The following MTMR8 variants were observed in gnomAD, a reference collection of about 807,000 sequenced individuals.
MTMR8 encodes myotubularin related protein 8, also known as phosphatidylinositol-3,5-bisphosphate 3-phosphatase MTMR8.
MTMR8 carries 65 observed loss-of-function variants against 39.3 expected under a neutral mutation model. That is an observed-to-expected ratio of 1.65 (90% CI 1.35 to 2.03). The LOEUF is 2.03. Among genes scored for constraint, MTMR8 ranks in the 30% most tolerant of loss-of-function variants. MTMR8 has a pLI of 0.00. For missense variants in MTMR8, 777 were observed against 538.9 expected (o/e 1.44, Z -4.37); for synonymous variants, 245 against 185.2 (o/e 1.32, Z -2.62).
intron 12 of MTMR8, among the ~76,000 whole-genome samples, chrX:64,325,525 A>T (rs928772096): frequency 8.9e-6 from 1 of 112,212 alleles, no homozygotes; most frequent in Non-Finnish European, 1.9e-5. Flanking sequence ...ACACTAATGG[A>T]ATGAAGGACA....
chrX:64,300,225 G>T lies in MTMR8; in HGVS notation c.1481+28547C>A, dbSNP rs1423319991. Among the ~76,000 whole-genome samples the T allele has an allele frequency of 9.7e-4, 106 of 109,612 alleles. 1 individual carries two copies. In the Admixed American group the frequency reaches 0.01, roughly 11 times the overall value. ...AATGTGTGGGAGTCTAAGTCTCTTT[G>T]TAGGTCACTCAGGACTTGCTTCATG... On this transcript the variant is annotated intron_variant, in intron 12 of 13. Coordinates refer to ENST00000374852, the MANE Select transcript of MTMR8 (RefSeq NM_017677.4).
At chrX:64,304,995 C>CGTAT (rs1239330030) in intron 12 of MTMR8, 1 of 103,186 alleles carries the variant, frequency 9.7e-6, no homozygotes, top group Non-Finnish European at 1.7e-5. Context: ...TACATATATA[C>CGTAT]GTATGTATGT....
intron 9 of MTMR8, 88 bp from the exon 10 acceptor site, chrX:64,336,216 G>A (rs1000029405): frequency 1.6e-6 from 1 of 607,609 alleles, no homozygotes; most frequent in Non-Finnish European, 2.6e-6. Flanking sequence ...ACACTTTGCT[G>A]AAATAGTTGA....
intron 12 of MTMR8, among the ~76,000 whole-genome samples, chrX:64,276,959 G>A (rs1484977171): frequency 8.9e-6 from 1 of 111,872 alleles, no homozygotes. Flanking sequence ...ATATATTTAG[G>A]ATAGTTAACT....
In MTMR8 at chrX:64,331,619, A is replaced by G; in HGVS notation, c.1290T>C (p.His430=). Residue 430 remains histidine (H), a synonymous_variant, in exon 11 of 14, where the codon CAT becomes CAC. Coordinates refer to ENST00000374852, the MANE Select transcript of MTMR8 (RefSeq NM_017677.4). The stretch of plus-strand genomic sequence containing the variant: ...AGTTTCCAAACTGGCAGGAGAAAAC[A>G]TGGTCATGAATCTCCAGCAGGAAGT... ...NENFLLEIHD[H]VFSCQFGNFL... 8.3e-7 allele frequency: 1 copy of G among 1,210,609 alleles called. No individual in the cohort carries two copies.
chrX:64,395,100 C>T lies in MTMR8; in HGVS notation c.24+240G>A, dbSNP rs72623459. 0.024 allele frequency among the ~76,000 whole-genome samples: 2,673 copies of T among 111,802 alleles called. 163 individuals are homozygous for T. In the East Asian group the frequency reaches 0.3, roughly 12 times the overall value. The stretch of plus-strand genomic sequence containing the variant: ...AGGCGTGCACCAGGAGCGGGGGCGG[C>T]GTCGCGTAAGGGGACAGTGGTGCAG... On this transcript the variant is annotated intron_variant, in intron 1 of 13. Coordinates refer to ENST00000374852, the MANE Select transcript of MTMR8 (RefSeq NM_017677.4).
chrX:64,349,028 CA>C (rs1301075116), intron 5 of MTMR8, among the ~76,000 whole-genome samples: 6 of 110,710 alleles, frequency 5.4e-5, no homozygotes, highest in Non-Finnish European at 1.1e-4. Context: ...AATCAGACTA[CA>C]AAAAAAATCA....
At chrX:64,358,843 GCACACACA>G (rs762422321) in intron 2 of MTMR8, among the ~76,000 whole-genome samples, 44 of 91,169 alleles carry the variant, frequency 4.8e-4, no homozygotes, top group African/African-American at 1.8e-3. Context: ...GCCCGTGCAT[GCACACACA>G]CACACACACA....
intron 12 of MTMR8, among the ~76,000 whole-genome samples, chrX:64,295,636 A>G (rs181863738): frequency 1.1e-4 from 12 of 111,824 alleles, no homozygotes; most frequent in African/African-American, 3.6e-4. Context: ...CCAATTCAAA[A>G]ATGGGCAATG....
At chrX:64,379,351 T>C (rs1213142255) in intron 1 of MTMR8, among the ~76,000 whole-genome samples, 1 of 112,049 alleles carries the variant, frequency 8.9e-6, no homozygotes, top group Non-Finnish European at 1.9e-5. Context: ...CTAATATTTT[T>C]CATGAACATA....
At chrX:64,320,790 G>A (rs1433815665) in intron 12 of MTMR8, among the ~76,000 whole-genome samples, 1 of 111,650 alleles carries the variant, frequency 9.0e-6, no homozygotes, top group African/African-American at 3.3e-5. Context: ...GCTTTCACCT[G>A]TGGCTTACTT....
chrX:64,307,958 T>C (rs1922173524), intron 12 of MTMR8, among the ~76,000 whole-genome samples: 1 of 112,081 alleles, frequency 8.9e-6, no homozygotes, highest in Non-Finnish European at 1.9e-5. Flanking sequence ...ATGAATGATA[T>C]ATTTTTTATT....
At chrX:64,337,078 T>C (rs1193429345) in intron 9 of MTMR8, among the ~76,000 whole-genome samples, 190 bp downstream of exon 9, 2 of 112,068 alleles carry the variant, frequency 1.8e-5, no homozygotes, top group African/African-American at 3.2e-5. Flanking sequence ...GTAAGAAGTA[T>C]GTTGAACATA....
At chrX:64,346,235 G>T (rs1272300730) in intron 6 of MTMR8, among the ~76,000 whole-genome samples, 2 of 111,177 alleles carry the variant, frequency 1.8e-5, no homozygotes, top group Non-Finnish European at 3.8e-5. Context: ...ATTTCAGAAG[G>T]CAGGAGGAGC....
chrX:64,356,042 C>A, intron 3 of MTMR8, 134 bp downstream of exon 3: 1 of 600,369 alleles, frequency 1.7e-6, no homozygotes, highest in South Asian at 3.1e-5. Flanking sequence ...TATAACTTGC[C>A]CAAATATAAT....
chrX:64,357,764 T>C (rs992710486), intron 2 of MTMR8, among the ~76,000 whole-genome samples: 37 of 112,114 alleles, frequency 3.3e-4, no homozygotes, highest in African/African-American at 1.2e-3. Context: ...ATGGCAGTTC[T>C]GGAGGCATCA....
At chrX:64,279,066 G>A (rs898299649) in intron 12 of MTMR8, among the ~76,000 whole-genome samples, 1 of 111,766 alleles carries the variant, frequency 8.9e-6, no homozygotes, top group Non-Finnish European at 1.9e-5. Context: ...ACCTGAGGAA[G>A]CAGTCTGCCC....
chrX:64,386,562 C>T (rs953642689), intron 1 of MTMR8, among the ~76,000 whole-genome samples: 1 of 111,755 alleles, frequency 8.9e-6, no homozygotes, highest in Non-Finnish European at 1.9e-5. Context: ...AGAACACTCC[C>T]CCTACCACCA....
At chrX:64,372,227 A>C (rs1263222025) in intron 1 of MTMR8, among the ~76,000 whole-genome samples, 2 of 109,993 alleles carry the variant, frequency 1.8e-5, no homozygotes, top group Non-Finnish European at 3.8e-5. Context: ...GTCTCTCAAA[A>C]TTTAACATCT....
Sources: allele counts gnomAD v4.1 joint callset (sites outside exome capture counted in the v4.1 genomes callset), GRCh38; gene constraint gnomAD v4.1.1; transcripts MANE v1.5; gene names NCBI Gene and HGNC (gene_info 2026-07-23, HGNC 2026-07-21).